Variants in MYH10 observed in about 807,000 individuals in gnomAD.
MYH10 encodes the protein myosin heavy chain 10, also known as myosin-10.
MYH10 carries 55 observed loss-of-function variants against 257.8 expected under a neutral mutation model. The ratio of observed to expected loss-of-function variants is 0.21; its 90% CI spans 0.17 to 0.27. The LOEUF is 0.27. Among genes scored for constraint, MYH10 ranks in the 10% least tolerant of loss-of-function variants. The pLI is 1.00. For synonymous variants in MYH10, 854 were observed against 921.7 expected, an observed-to-expected ratio of 0.93 and a Z score of 1.33; for missense variants, 1,631 against 2,500.6, an observed-to-expected ratio of 0.65 and a Z score of 7.42.
At chr17:8,521,538 T>C in intron 17 of MYH10, 1 of 485,550 alleles carries the variant, frequency 2.1e-6, no homozygotes, top group East Asian at 3.1e-5. Context: ...TCCGCTGCGC[T>C]AGTTTCAGGA....
rs1216907111 is a variant in MYH10 at position 8,476,520 on chromosome 17, TGAG to T, written c.5879+353_5879+355del. Among the ~76,000 whole-genome samples the T allele has an allele frequency of 2.0e-5, 3 of 147,816 alleles. 1 individual carries two copies. Among genetic ancestry groups the T allele is most frequent in the Non-Finnish European group, 4.4e-5 (3 of 67,918 alleles). On this transcript the variant is annotated intron_variant, in intron 42 of 42. Transcript: ENST00000360416. ...TCCATTGTGGTGAGGAGGACGGTGC[TGAG>T]GAGGGCTGATGGCACCAGGTCCCAG...
At chr17:8,534,916 T>G (rs966470613) in intron 16 of MYH10, among the ~76,000 whole-genome samples, 1 of 152,234 alleles carries the variant, frequency 6.6e-6, no homozygotes, top group Non-Finnish European at 1.5e-5. Context: ...TGAGGACTGA[T>G]GGAAAGAAGA....
intron 3 of MYH10, among the ~76,000 whole-genome samples, chr17:8,591,029 C>G (rs546460966): frequency 6.6e-6 from 1 of 151,806 alleles, no homozygotes; most frequent in African/African-American, 2.4e-5. Context: ...CCCGCCACCA[C>G]GCCCGGCTAA....
chr17:8,571,666 G>C (rs1474627715), intron 6 of MYH10, among the ~76,000 whole-genome samples: 2 of 151,896 alleles, frequency 1.3e-5, no homozygotes, highest in Non-Finnish European at 2.9e-5. Context: ...CCTGAGGCAG[G>C]AGAATCGCTT....
intron 3 of MYH10, among the ~76,000 whole-genome samples, chr17:8,601,325 G>GC (rs1482221362): frequency 6.6e-6 from 1 of 152,178 alleles, no homozygotes; most frequent in East Asian, 1.9e-4. Context: ...AGGCCTCGGT[G>GC]TTCCTAAATT....
At chr17:8,560,567 C>A in intron 7 of MYH10, 1 of 795,554 alleles carries the variant, frequency 1.3e-6, no homozygotes, top group Non-Finnish European at 2.0e-6. Flanking sequence ...GTTCCAAAAA[C>A]AGTGGAAAAC....
Position 8,569,910 on chromosome 17 carries a change from C to T in MYH10, c.664-98G>A, listed in dbSNP as rs2083283003. The T allele has an allele frequency of 1.2e-6, 1 of 843,388 alleles. No homozygotes were observed. The highest frequency in any genetic ancestry group is 1.7e-5 in the African/African-American group (1 of 57,284). 52.2% of individuals were successfully genotyped at this position (843,388 alleles called of 1,614,324 possible). ...GGAAAAATTTCTAAAAAAGAAACTG[C>T]ATCTTTTCCTCAGTTCTTTCATTCT... is the stretch of plus-strand genomic sequence containing the variant. On this transcript the variant is annotated intron_variant, in intron 6 of 42. Coordinates refer to ENST00000360416, the MANE Select transcript of MYH10 (RefSeq NM_001256012.3). This position sits in a 1 kb window ranked among gnomAD's most constrained non-coding sequence, Gnocchi z 4.1.
chr17:8,608,960 G>A (rs937475681), intron 2 of MYH10, among the ~76,000 whole-genome samples: 1 of 152,188 alleles, frequency 6.6e-6, no homozygotes, highest in Non-Finnish European at 1.5e-5. Flanking sequence ...ACAGGCGCCT[G>A]CCACCACGCC....
intron 2 of MYH10, among the ~76,000 whole-genome samples, chr17:8,618,018 A>G (rs2085330999): frequency 6.6e-6 from 1 of 152,188 alleles, no homozygotes; most frequent in Admixed American, 6.5e-5. Context: ...ACTGTTTTAT[A>G]TTCTTGCAAA....
chr17:8,557,212 AAAG>A (rs2082834006), intron 7 of MYH10, among the ~76,000 whole-genome samples: 1 of 152,218 alleles, frequency 6.6e-6, no homozygotes, highest in South Asian at 2.1e-4. Flanking sequence ...GATTTTAAAA[AAAG>A]AAAAGAGGAA....
intron 7 of MYH10, chr17:8,561,448 C>T (rs771721663): frequency 2.0e-4 from 232 of 1,160,902 alleles, no homozygotes; most frequent in African/African-American, 1.8e-3. Flanking sequence ...GCTACATTAC[C>T]GTGTGAGTTG....
chr17:8,594,784 G>C (rs1484360849), intron 3 of MYH10, among the ~76,000 whole-genome samples: 2 of 152,142 alleles, frequency 1.3e-5, no homozygotes, highest in Non-Finnish European at 2.9e-5. Context: ...GAAACTTTAA[G>C]TCCTGTCTAG....
chr17:8,598,300 G>A (rs1489779534), intron 3 of MYH10, among the ~76,000 whole-genome samples: 1 of 152,126 alleles, frequency 6.6e-6, no homozygotes, highest in East Asian at 1.9e-4. Context: ...TGCTTATGGT[G>A]TTCTATATAC....
chr17:8,592,962 T>C (rs2084224194), intron 3 of MYH10, among the ~76,000 whole-genome samples: 1 of 120,084 alleles, frequency 8.3e-6, no homozygotes, highest in South Asian at 2.6e-4. Context: ...TATATATATA[T>C]ATATATATAA....
rs1912338927 is a variant in MYH10 at position 8,475,209 on chromosome 17, A to G, written c.*595T>C. The G allele has an allele frequency of 6.5e-6, 1 of 153,018 alleles. No individual in the cohort carries two copies. Among genetic ancestry groups the G allele is most frequent in the South Asian group, 2.1e-4 (1 of 4,856 alleles). The allele number at this position is 153,018 out of a possible 1,614,324, so 9.5% of individuals were successfully genotyped here. ...GCCCCCCTTGGGGGATGGACATGGTAACCCCAAATGGGTGTTGCTTCCGAT... is the reference window on the plus strand; with the variant it reads ...GCCCCCCTTGGGGGATGGACATGGTGACCCCAAATGGGTGTTGCTTCCGAT... On this transcript the variant is annotated 3_prime_UTR_variant, in exon 43 of 43. Transcript: ENST00000360416.
At chr17:8,550,761 T>A (rs1278830166) in intron 9 of MYH10, among the ~76,000 whole-genome samples, 5 of 151,862 alleles carry the variant, frequency 3.3e-5, no homozygotes, top group African/African-American at 1.2e-4. Context: ...TAGAAAGAAG[T>A]AGACATGGGA....
chr17:8,486,181 A>G (rs1375633205), intron 36 of MYH10, among the ~76,000 whole-genome samples: 1 of 152,200 alleles, frequency 6.6e-6, no homozygotes, highest in East Asian at 1.9e-4. Context: ...GCAGGGATAC[A>G]GGGAATGGGG....
chr17:8,479,846 T>TGA, intron 40 of MYH10, among the ~76,000 whole-genome samples: 1 of 152,342 alleles, frequency 6.6e-6, no homozygotes, highest in East Asian at 1.9e-4. Context: ...GGGTAGGAGA[T>TGA]GCAAACTCAG....
At chr17:8,559,414 TAATA>T (rs57828047) in intron 7 of MYH10, among the ~76,000 whole-genome samples, 146,648 of 152,088 alleles carry the variant, frequency 0.96, 70,939 homozygotes, top group East Asian at 1. Flanking sequence ...TGGGGTGATA[TAATA>T]AATAAATTAA....
Sources: allele counts gnomAD v4.1 joint callset (sites outside exome capture counted in the v4.1 genomes callset), GRCh38; gene constraint gnomAD v4.1.1; non-coding constraint Gnocchi (gnomAD v3.1); transcripts MANE v1.5; gene names NCBI Gene and HGNC (gene_info 2026-07-23, HGNC 2026-07-21).